Variants in APBA1 observed in about 807,000 individuals in gnomAD.
APBA1 encodes amyloid beta precursor protein binding family A member 1.
APBA1 carries 55 observed loss-of-function variants against 86.6 expected under a neutral mutation model. The observed-to-expected ratio is 0.64, with a 90% CI of 0.51 to 0.80. APBA1 has a LOEUF of 0.80. Among genes scored for constraint, APBA1 ranks in the 30% least tolerant of loss-of-function variants. The probability of loss-of-function intolerance (pLI) is 0.00; values close to 1 mark genes in which losing one functional copy is unlikely to be tolerated. For synonymous variants in APBA1, 511 were observed against 493.9 expected (o/e 1.03, Z -0.46); for missense variants, 1,090 against 1,183.0 (o/e 0.92, Z 1.15).
At chr9:69,527,355 G>A (rs1201219246) in intron 1 of APBA1, among the ~76,000 whole-genome samples, 1 of 152,062 alleles carries the variant, frequency 6.6e-6, no homozygotes, top group Non-Finnish European at 1.5e-5. Flanking sequence ...AGCTACTTTT[G>A]ATCTATTTTG....
intron 6 of APBA1, among the ~76,000 whole-genome samples, chr9:69,457,769 T>C (rs1835123266): frequency 6.6e-6 from 1 of 152,196 alleles, no homozygotes; most frequent in African/African-American, 2.4e-5. Context: ...TCTGTACATG[T>C]GTGGTTATTA....
At chr9:69,446,633 G>C (rs1386438027) in intron 10 of APBA1, among the ~76,000 whole-genome samples, 1 of 152,206 alleles carries the variant, frequency 6.6e-6, no homozygotes, top group Non-Finnish European at 1.5e-5. Flanking sequence ...TGCCCTCATA[G>C]CCTCACTGCT....
intron 1 of APBA1, among the ~76,000 whole-genome samples, chr9:69,653,770 T>C (rs1462469295): frequency 2.0e-5 from 3 of 151,932 alleles, no homozygotes; most frequent in African/African-American, 7.3e-5. Flanking sequence ...AAAATGGAAA[T>C]AGAACATACC....
intron 2 of APBA1, among the ~76,000 whole-genome samples, chr9:69,483,756 A>G (rs1215336856): frequency 6.6e-6 from 1 of 152,100 alleles, no homozygotes; most frequent in African/African-American, 2.4e-5. Flanking sequence ...ATTCACATGC[A>G]GACATCAGAC....
In APBA1 at chr9:69,516,494, G is replaced by A. The variant is rs773533052; in HGVS notation, c.717C>T (p.Asp239=). The A allele has an allele frequency of 1.9e-6, 3 of 1,598,662 alleles. No homozygotes were observed. The highest frequency in any genetic ancestry group is 1.7e-4 in the Middle Eastern group (1 of 6,022). ...TGTCGGACTCGCCGTCGGAGCGCTC[G>A]TCGTAATGGTGCAGCCGCGCGCCCA... The part of the protein sequence containing the change: ...EALGARLHHY[D]ERSDGESDSP... Residue 239 remains aspartate, a synonymous_variant, in exon 2 of 13, where the codon GAC becomes GAT. Coordinates refer to ENST00000265381, the MANE Select transcript of APBA1 (RefSeq NM_001163.4). The surrounding 1 kb of genome is among the most constrained non-coding windows in gnomAD (Gnocchi z 7.3).
At position 69,516,224 on chromosome 9, in the gene APBA1, C is replaced by G; in HGVS notation, c.987G>C (p.Ala329=). 1 of 1,486,136 alleles carries G rather than the reference C, an allele frequency of 6.7e-7. No homozygotes were observed. Among genetic ancestry groups the G allele is most frequent in the Non-Finnish European group, 9.0e-7 (1 of 1,115,496 alleles). 92.1% of individuals were successfully genotyped at this position (1,486,136 alleles called of 1,614,324 possible). The change falls in exon 2 of 13, where the codon GCG becomes GCC. Residue 329 remains alanine, a synonymous_variant. Transcript: ENST00000265381. This position sits in a 1 kb window ranked among gnomAD's most constrained non-coding sequence, Gnocchi z 7.3. ...PAGQQRAVGP[A]GGGEAGQRYS... ...ACCGCTGCCCCGCCTCGCCGCCGCC[C>G]GCGGGGCCCACCGCCCGCTGCTGCC...
At chr9:69,642,653 GAGAT>G in intron 1 of APBA1, among the ~76,000 whole-genome samples, 1 of 152,160 alleles carries the variant, frequency 6.6e-6, no homozygotes, top group Non-Finnish European at 1.5e-5. Context: ...GAGATAGAGA[GAGAT>G]AGAGAGAAAT....
Position 69,467,831 on chromosome 9 carries a change from T to TG in APBA1, c.1473dup (p.Arg492GlnfsTer17). 1 of 1,614,216 alleles carries TG rather than the reference T, an allele frequency of 6.2e-7. No homozygotes were observed. Among genetic ancestry groups the TG allele is most frequent in the South Asian group, 1.1e-5 (1 of 91,082 alleles). On this transcript the variant is annotated frameshift_variant, in exon 5 of 13. Transcript: ENST00000265381. LOFTEE classifies it high-confidence loss of function. ...CACCCAGATGTCCTCACCTTGATCC[T>TG]GCTTACGGCTTCCTGGGCCTGCATC...
rs555696962 is a variant in APBA1 at position 69,534,963 on chromosome 9, A to G, written c.-69-17684T>C. ...TAAATACTATTTTTATAATTAGTAT[A>G]TTGACTTCTTTTTCCGTAAATGACA... On this transcript the variant is annotated intron_variant, in intron 1 of 12. Transcript: ENST00000265381. Among the ~76,000 whole-genome samples, 169 of 152,202 alleles carry G rather than the reference A, an allele frequency of 1.1e-3. 1 individual carries two copies. Among genetic ancestry groups the G allele is most frequent in the African/African-American group, 3.8e-3 (159 of 41,532 alleles).
chr9:69,628,291 C>A (rs1365495284), intron 1 of APBA1, among the ~76,000 whole-genome samples: 1 of 152,146 alleles, frequency 6.6e-6, no homozygotes, highest in East Asian at 1.9e-4. Flanking sequence ...AGGGCAGACA[C>A]CTTGATTGTG....
intron 1 of APBA1, among the ~76,000 whole-genome samples, chr9:69,587,428 G>T (rs1822043148): frequency 6.6e-6 from 1 of 152,240 alleles, no homozygotes; most frequent in Non-Finnish European, 1.5e-5. Context: ...ACTGGAGATT[G>T]GTGTCATTGG....
At chr9:69,562,226 T>C (rs1291211290) in intron 1 of APBA1, among the ~76,000 whole-genome samples, 4 of 152,142 alleles carry the variant, frequency 2.6e-5, no homozygotes, top group Non-Finnish European at 5.9e-5. Context: ...ATGTGTCAGT[T>C]ATAATCAACA....
chr9:69,455,975 C>G (rs1835088992), intron 8 of APBA1, among the ~76,000 whole-genome samples: 1 of 152,156 alleles, frequency 6.6e-6, no homozygotes, highest in Non-Finnish European at 1.5e-5. Flanking sequence ...CCCTCCATCC[C>G]CTGACCCTGT....
chr9:69,568,849 TTTA>T (rs1837071396), intron 1 of APBA1, among the ~76,000 whole-genome samples: 2 of 152,040 alleles, frequency 1.3e-5, no homozygotes, highest in South Asian at 4.2e-4. Flanking sequence ...GGGGAAAAAG[TTTA>T]GGATAGTGAC....
chr9:69,434,711 T>A (rs59226126), intron 11 of APBA1, among the ~76,000 whole-genome samples: 8,389 of 133,856 alleles, frequency 0.063, 826 homozygotes, highest in African/African-American at 0.21. Flanking sequence ...CATCTCAATT[T>A]AAAAAAAAAA....
At chr9:69,462,716 C>G (rs1835210405) in intron 5 of APBA1, 1 of 152,186 alleles carries the variant, frequency 6.6e-6, no homozygotes, top group African/African-American at 2.4e-5. Context: ...CTTAGCCTGA[C>G]TAGAATGCTA....
chr9:69,633,896 A>G (rs953811433), intron 1 of APBA1, among the ~76,000 whole-genome samples: 2 of 152,224 alleles, frequency 1.3e-5, no homozygotes, highest in African/African-American at 4.8e-5. Context: ...TCAGCTTCAC[A>G]ATCTGAACTA....
intron 1 of APBA1, among the ~76,000 whole-genome samples, chr9:69,658,270 T>TC (rs1564104841): frequency 0.016 from 1,256 of 79,384 alleles, 44 homozygotes; most frequent in Admixed American, 0.022. Flanking sequence ...CTTTCTTTCT[T>TC]TCTTTCTTTC....
intron 1 of APBA1, among the ~76,000 whole-genome samples, chr9:69,524,080 A>C (rs1006047717): frequency 4.6e-5 from 7 of 152,186 alleles, no homozygotes; most frequent in Admixed American, 1.3e-4. Context: ...GATGCAGCAA[A>C]AGCAGTGTTA....
Sources: allele counts gnomAD v4.1 joint callset (sites outside exome capture counted in the v4.1 genomes callset), GRCh38; gene constraint gnomAD v4.1.1; non-coding constraint Gnocchi (gnomAD v3.1); transcripts MANE v1.5; gene names NCBI Gene and HGNC (gene_info 2026-07-23, HGNC 2026-07-21).